The following CNTN3 variants were observed in gnomAD, a reference collection of about 807,000 sequenced individuals.
CNTN3 encodes contactin-3.
In CNTN3, 60 loss-of-function variants were observed where a neutral mutation model predicts 119.1. That is an observed-to-expected ratio of 0.50 (90% confidence interval 0.41 to 0.62). CNTN3 has a LOEUF of 0.62. CNTN3 is among the 20% of genes least tolerant of loss of function. The pLI is 0.00. For synonymous variants in CNTN3, 450 were observed against 438.7 expected (o/e 1.03, Z -0.32); for missense variants, 1,101 against 1,242.4 (o/e 0.89, Z 1.71).
At chr3:74,384,386 G>A (rs927605000) in intron 5 of CNTN3, among the ~76,000 whole-genome samples, 9 of 152,272 alleles carry the variant, frequency 5.9e-5, no homozygotes, top group African/African-American at 9.6e-5. Flanking sequence ...ATGATAAAAC[G>A]CTTTTCTTTC....
intron 1 of CNTN3, among the ~76,000 whole-genome samples, chr3:74,572,012 T>C (rs1257455022): frequency 6.6e-6 from 1 of 152,176 alleles, no homozygotes; most frequent in East Asian, 1.9e-4. Context: ...CACCTGCCAC[T>C]GGCTCCAAGC....
At chr3:74,545,779 C>T (rs959166871) in intron 1 of CNTN3, among the ~76,000 whole-genome samples, 8 of 152,050 alleles carry the variant, frequency 5.3e-5, no homozygotes, top group African/African-American at 1.7e-4. Flanking sequence ...TTACCAACCC[C>T]CACCCCCAAA....
chr3:74,359,604 T>A (rs944049268), intron 11 of CNTN3, among the ~76,000 whole-genome samples: 1 of 152,150 alleles, frequency 6.6e-6, no homozygotes, highest in Non-Finnish European at 1.5e-5. Context: ...CCAGGTTAGA[T>A]CCTGGAACTT....
intron 1 of CNTN3, among the ~76,000 whole-genome samples, chr3:74,568,920 GA>G (rs1173689905): frequency 1.3e-5 from 2 of 152,168 alleles, no homozygotes; most frequent in Non-Finnish European, 2.9e-5. Flanking sequence ...GTGCTTTTCT[GA>G]CACGACCTGT....
At chr3:74,606,711 T>C (rs1018126326) in intron 1 of CNTN3, among the ~76,000 whole-genome samples, 1 of 152,126 alleles carries the variant, frequency 6.6e-6, no homozygotes, top group African/African-American at 2.4e-5. Context: ...ATATTGACTA[T>C]ATTCTAGAAT....
At chr3:74,602,234 T>C (rs903722224) in intron 1 of CNTN3, among the ~76,000 whole-genome samples, 11 of 135,462 alleles carry the variant, frequency 8.1e-5, no homozygotes, top group Admixed American at 1.8e-4. Flanking sequence ...AGTTCAAGCC[T>C]GCAGTAAGCC....
At chr3:74,357,486 T>C (rs1402003302) in intron 11 of CNTN3, among the ~76,000 whole-genome samples, 1 of 151,946 alleles carries the variant, frequency 6.6e-6, no homozygotes, top group East Asian at 1.9e-4. Context: ...TTTCTCCATG[T>C]TGGTTGGGCT....
In CNTN3 at chr3:74,417,215, T is replaced by C. The variant is rs74683562; in HGVS notation, c.454+7630A>G. On this transcript the variant is annotated intron_variant, in intron 5 of 22. Transcript: ENST00000263665. ...TAACTAGTCACTAGCAAACTCATCA[T>C]TTTCATTCCCTGTGGGCCCATATGT... Among the ~76,000 whole-genome samples the C allele has an allele frequency of 5.1e-3, 772 of 152,258 alleles. 6 individuals are homozygous for C. The highest frequency in any genetic ancestry group is 0.02 in the South Asian group (95 of 4,826).
chr3:74,522,444 A>T lies in CNTN3; in HGVS notation c.-80-1252T>A, dbSNP rs546894215. 8.6e-5 allele frequency among the ~76,000 whole-genome samples: 13 copies of T among 152,044 alleles called. No individual in the cohort carries two copies. In the South Asian group the frequency reaches 2.7e-3, roughly 32 times the overall value. On this transcript the variant is annotated intron_variant, in intron 1 of 22. Coordinates refer to ENST00000263665, the MANE Select transcript of CNTN3 (RefSeq NM_020872.3). ...CTTCACTCAATATCCCCACTGCTGC[A>T]AACTGCATGTCTCAGTTTGGGTTCC...
At chr3:74,452,920 G>A (rs1702188645) in intron 4 of CNTN3, among the ~76,000 whole-genome samples, 1 of 151,362 alleles carries the variant, frequency 6.6e-6, no homozygotes, top group Admixed American at 6.6e-5. Flanking sequence ...CGGTTTGCCA[G>A]TATTTTATTG....
chr3:74,594,917 T>C (rs1431984127), intron 1 of CNTN3, among the ~76,000 whole-genome samples: 5 of 152,074 alleles, frequency 3.3e-5, no homozygotes, highest in Non-Finnish European at 5.9e-5. Flanking sequence ...CCACCAACAG[T>C]GTCAAAGTGT....
In CNTN3 at chr3:74,379,701, C is replaced by T. The variant is rs76291021; in HGVS notation, c.455-8302G>A. ...TCGGTGGGACTGACTACCCTTCACT[C>T]CTTGCTCCAAAGACATCTCAAGATG... On this transcript the variant is annotated intron_variant, in intron 5 of 22. Coordinates refer to ENST00000263665, the MANE Select transcript of CNTN3 (RefSeq NM_020872.3). Among the ~76,000 whole-genome samples, 3 of 152,242 alleles carry T rather than the reference C, an allele frequency of 2.0e-5. No individual in the cohort carries two copies. In the East Asian group the frequency reaches 5.8e-4, roughly 29 times the overall value.
At chr3:74,535,248 AC>A (rs1395519998) in intron 1 of CNTN3, among the ~76,000 whole-genome samples, 1 of 152,012 alleles carries the variant, frequency 6.6e-6, no homozygotes, top group Non-Finnish European at 1.5e-5. Flanking sequence ...TAGAATTCAC[AC>A]CTATTAGGGG....
chr3:74,559,670 G>A (rs1247247279), intron 1 of CNTN3, among the ~76,000 whole-genome samples: 2 of 151,792 alleles, frequency 1.3e-5, no homozygotes, highest in Admixed American at 6.6e-5. Flanking sequence ...ATTGCTCAAA[G>A]GGGGAAAAAG....
In CNTN3 at chr3:74,288,154, C is replaced by CTTTTTTTTTTTTTTTTTTTTT. The variant is rs1299127961; in HGVS notation, c.2518-2664_2518-2663insAAAAAAAAAAAAAAAAAAAAA. Among the ~76,000 whole-genome samples the CTTTTTTTTTTTTTTTTTTTTT allele has an allele frequency of 3.4e-5, 3 of 88,260 alleles. 1 individual carries two copies. The highest frequency in any genetic ancestry group is 7.1e-5 in the Non-Finnish European group (3 of 42,134). The allele number at this position is 88,260 out of a possible 152,430, so 57.9% of individuals were successfully genotyped here. On this transcript the variant is annotated intron_variant, in intron 19 of 22. Coordinates refer to ENST00000263665, the MANE Select transcript of CNTN3 (RefSeq NM_020872.3). ...TTTGACATCTTTTTTCTTTTCTTTT[C>CTTTTTTTTTTTTTTTTTTTTT]TTTTCTTTTTTTTTTTTTTTTTGAG...
At chr3:74,409,070 T>C (rs1701394668) in intron 5 of CNTN3, among the ~76,000 whole-genome samples, 1 of 152,198 alleles carries the variant, frequency 6.6e-6, no homozygotes, top group Non-Finnish European at 1.5e-5. Flanking sequence ...TTATGCCCTT[T>C]ATCAGGATGT....
chr3:74,297,882 G>C, intron 18 of CNTN3, 75 bp downstream of exon 18: 2 of 1,105,754 alleles, frequency 1.8e-6, no homozygotes, highest in East Asian at 2.4e-5. Context: ...AAGTCAAAAC[G>C]AGACTCCAAA....
At chr3:74,422,032 T>C (rs1403144405) in intron 5 of CNTN3, among the ~76,000 whole-genome samples, 1 of 152,206 alleles carries the variant, frequency 6.6e-6, no homozygotes, top group Non-Finnish European at 1.5e-5. Flanking sequence ...TGGCCAAATT[T>C]TTAAAAATGT....
chr3:74,430,107 T>C (rs965188048), intron 4 of CNTN3, among the ~76,000 whole-genome samples: 2 of 152,192 alleles, frequency 1.3e-5, no homozygotes, highest in Non-Finnish European at 2.9e-5. Flanking sequence ...GAACCACACG[T>C]AACTACCATA....
Sources: gnomAD v4.1 joint callset for allele counts (sites outside exome capture counted in the v4.1 genomes callset) on GRCh38, gnomAD v4.1.1 for gene constraint, MANE v1.5 for transcripts, NCBI Gene and HGNC (gene_info 2026-07-23, HGNC 2026-07-21) for gene names.